Variants in ATP2A2 observed in about 807,000 individuals in gnomAD.
The protein encoded by ATP2A2 is ATPase sarcoplasmic/endoplasmic reticulum Ca2+ transporting 2.
A neutral mutation model predicts 109.3 loss-of-function variants in ATP2A2; 14 were observed. The ratio of observed to expected loss-of-function variants is 0.13; its 90% confidence interval spans 0.08 to 0.20. The LOEUF is 0.20. Ranked by LOEUF, ATP2A2 falls within the 10% of genes least tolerant of loss-of-function variation. ATP2A2 has a pLI of 1.00. For synonymous variants in ATP2A2, 506 were observed against 490.9 expected (o/e 1.03, Z -0.41); for missense variants, 657 against 1,321.6 (o/e 0.50, Z 7.80).
intron 11 of ATP2A2, among the ~76,000 whole-genome samples, chr12:110,338,360 C>G (rs1220045000): frequency 2.6e-5 from 4 of 152,240 alleles, no homozygotes; most frequent in Non-Finnish European, 4.4e-5. Context: ...TCACAGAGTT[C>G]TGGTGGACAG....
chr12:110,289,951 T>G (rs1873088441), intron 3 of ATP2A2, among the ~76,000 whole-genome samples: 1 of 152,250 alleles, frequency 6.6e-6, no homozygotes, highest in South Asian at 2.1e-4. Context: ...ACTCTTACTT[T>G]GTAGTTTTTA....
At position 110,348,515 on chromosome 12, in the gene ATP2A2, G is replaced by A; in HGVS notation, c.*2045G>A. 1 of 985,556 alleles carries A rather than the reference G, an allele frequency of 1.0e-6. No individual in the cohort carries two copies. Among genetic ancestry groups the A allele is most frequent in the South Asian group, 4.7e-5 (1 of 21,288 alleles). 61.1% of individuals were successfully genotyped at this position (985,556 alleles called of 1,614,324 possible). A position where few individuals can be genotyped will look rare whatever the true frequency, so the allele number is the denominator to read the frequency against. ...GCATCAAGCAGGACAAGGTGCTGCT[G>A]AGTTCAGAGGGCCCACGTTCAAGGG... On this transcript the variant is annotated 3_prime_UTR_variant, in exon 20 of 20. Transcript: ENST00000539276.
At position 110,339,854 on chromosome 12, in the gene ATP2A2, G is replaced by T; in HGVS notation, c.1761+133G>T. 1 of 950,216 alleles carries T rather than the reference G, an allele frequency of 1.1e-6. No individual in the cohort carries two copies. The allele number at this position is 950,216 out of a possible 1,614,324, so 58.9% of individuals were successfully genotyped here. A position where few individuals can be genotyped will look rare whatever the true frequency, so the allele number is the denominator to read the frequency against. ...GGTGTGGTTATTTGTTTTTCTGCCT[G>T]CCAGCTGTGTCACCCTTAAAATTTG... On this transcript the variant is annotated intron_variant, in intron 13 of 19. Coordinates refer to ENST00000539276, the MANE Select transcript of ATP2A2 (RefSeq NM_170665.4). This position sits in a 1 kb window ranked among gnomAD's most constrained non-coding sequence, Gnocchi z 4.4.
At chr12:110,305,829 T>G (rs1030110073) in intron 5 of ATP2A2, among the ~76,000 whole-genome samples, 2 of 152,022 alleles carry the variant, frequency 1.3e-5, no homozygotes, top group African/African-American at 4.8e-5. Context: ...GGAAATATGG[T>G]CGTAATATCA....
rs1378858460 is a variant in ATP2A2, at chr12:110,347,344, C to CGTAA, written c.*877_*880dup. 20 of 1,287,660 alleles carry CGTAA rather than the reference C, an allele frequency of 1.6e-5. No homozygotes were observed. In the Middle Eastern group the frequency reaches 6.4e-4, roughly 41 times the overall value. The allele number at this position is 1,287,660 out of a possible 1,614,324, so 79.8% of individuals were successfully genotyped here. A position where few individuals can be genotyped will look rare whatever the true frequency, so the allele number is the denominator to read the frequency against. On this transcript the variant is annotated 3_prime_UTR_variant, in exon 20 of 20. Transcript: ENST00000539276. ...AAAAATAACTGTCTTGTCTTTAACT[C>CGTAA]GTAAGTGGCTTACCTGGGACTAACA...
rs748870034 is a variant in ATP2A2, at chr12:110,282,787, A to G, written c.211A>G (p.Ile71Val). 14 of 1,612,680 alleles carry G rather than the reference A, an allele frequency of 8.7e-6. No homozygotes were observed. The highest frequency in any genetic ancestry group is 1.3e-5 in the African/African-American group (1 of 74,912). The change falls in exon 3 of 20, where the codon ATA (isoleucine) becomes GTA (valine). Residue 71 changes from isoleucine (I) to valine (V), a missense_variant. Physicochemically the swap from Ile to Val is conservative, Grantham distance 29. Around this residue, in one of 9 missense-constraint regions of ATP2A2, gnomAD observed 136 missense variants for 343.9 expected, o/e 0.40. Coordinates refer to ENST00000539276, the MANE Select transcript of ATP2A2 (RefSeq NM_170665.4). ...LVRILLLAAC[I>V]SFVLAWFEEG... Reference sequence around the variant, plus strand: ...TAGGATTTTATTACTGGCAGCATGTATATCTTTTGTAAGTATAAAAAAATT... The same window carrying G: ...TAGGATTTTATTACTGGCAGCATGTGTATCTTTTGTAAGTATAAAAAAATT...
chr12:110,331,260 T>C (rs1193962460), intron 8 of ATP2A2: 1 of 152,142 alleles, frequency 6.6e-6, no homozygotes, highest in South Asian at 2.1e-4. Flanking sequence ...AAAAAAGTTA[T>C]TTTAAAATAA....
chr12:110,349,356 T>A lies in ATP2A2; in HGVS notation c.*2886T>A. The A allele has an allele frequency of 1.0e-6, 1 of 985,504 alleles. No homozygotes were observed. The highest frequency in any genetic ancestry group is 1.1e-4 in the East Asian group (1 of 8,812). The allele number at this position is 985,504 out of a possible 1,614,324, so 61.0% of individuals were successfully genotyped here. On this transcript the variant is annotated 3_prime_UTR_variant, in exon 20 of 20. Transcript: ENST00000539276. ...GCCTGAAACTTACTTCCACATTCTT[T>A]CCTGATGGGCAGGTGGCTGAAGGCC...
chr12:110,321,304 C>G (rs1444226256), intron 5 of ATP2A2, among the ~76,000 whole-genome samples: 1 of 152,142 alleles, frequency 6.6e-6, no homozygotes, highest in Admixed American at 6.5e-5. Context: ...TTGTATATGA[C>G]TGGTAACATG....
At chr12:110,311,550 C>G (rs545495359) in intron 5 of ATP2A2, among the ~76,000 whole-genome samples, 3 of 141,284 alleles carry the variant, frequency 2.1e-5, no homozygotes, top group Non-Finnish European at 4.5e-5. Context: ...GAGCCAAGAT[C>G]GCGCCACTGC....
chr12:110,310,525 CT>C (rs370020923), intron 5 of ATP2A2, among the ~76,000 whole-genome samples: 10 of 152,124 alleles, frequency 6.6e-5, no homozygotes, highest in Non-Finnish European at 4.4e-5. Context: ...TTAAAACAAA[CT>C]TTATGTATCT....
intron 11 of ATP2A2, among the ~76,000 whole-genome samples, chr12:110,335,848 A>G (rs1878789559): frequency 6.6e-6 from 1 of 152,232 alleles, no homozygotes; most frequent in Non-Finnish European, 1.5e-5. Flanking sequence ...CTGCCCCCAC[A>G]AACCACCACC....
intron 4 of ATP2A2, among the ~76,000 whole-genome samples, chr12:110,294,320 A>G (rs954059756): frequency 1.3e-5 from 2 of 152,066 alleles, no homozygotes; most frequent in African/African-American, 2.4e-5. Context: ...CGGGATTACA[A>G]GTGTGAGCCA....
Position 110,346,882 on chromosome 12 carries a change from T to C in ATP2A2, c.*412T>C, listed in dbSNP as rs1879918285. On this transcript the variant is annotated 3_prime_UTR_variant, in exon 20 of 20. Transcript: ENST00000539276. ...AATAGCATGTATTGTGTCTTTTGCA[T>C]GATGATCCGGATTTAATTTGATATC... The C allele has an allele frequency of 8.2e-6, 9 of 1,095,946 alleles. No homozygotes were observed. Among genetic ancestry groups the C allele is most frequent in the Non-Finnish European group, 1.0e-5 (9 of 897,270 alleles). The allele number at this position is 1,095,946 out of a possible 1,614,324, so 67.9% of individuals were successfully genotyped here. A position where few individuals can be genotyped will look rare whatever the true frequency, so the allele number is the denominator to read the frequency against.
intron 5 of ATP2A2, among the ~76,000 whole-genome samples, chr12:110,299,991 G>A (rs1415713963): frequency 2.0e-5 from 3 of 151,342 alleles, no homozygotes; most frequent in Non-Finnish European, 4.4e-5. Context: ...CCCGACCTCA[G>A]GTGGTCCGCC....
chr12:110,311,622 A>AAAAAAAG (rs1876073126), intron 5 of ATP2A2, among the ~76,000 whole-genome samples: 1 of 141,018 alleles, frequency 7.1e-6, no homozygotes, highest in Non-Finnish European at 1.5e-5. Context: ...AAAAAAAAAA[A>AAAAAAAG]CGCTGGGATT....
chr12:110,337,903 T>C (rs1878990968), intron 11 of ATP2A2, among the ~76,000 whole-genome samples: 1 of 152,214 alleles, frequency 6.6e-6, no homozygotes, highest in Admixed American at 6.5e-5. Context: ...TCCTGGTCTG[T>C]GTAATAGGCA....
chr12:110,290,588 G>T (rs904434544), intron 3 of ATP2A2, among the ~76,000 whole-genome samples: 1 of 152,144 alleles, frequency 6.6e-6, no homozygotes, highest in Non-Finnish European at 1.5e-5. Flanking sequence ...TACATCAAAA[G>T]ATAAGGTATT....
chr12:110,310,808 G>A (rs2137765681), intron 5 of ATP2A2, among the ~76,000 whole-genome samples: 1 of 152,278 alleles, frequency 6.6e-6, no homozygotes, highest in Non-Finnish European at 1.5e-5. Context: ...TTTAAAGGAA[G>A]AAAACTTTCA....
Sources: allele counts gnomAD v4.1 joint callset (sites outside exome capture counted in the v4.1 genomes callset), GRCh38; gene constraint gnomAD v4.1.1; regional missense constraint gnomAD v4.1.1; non-coding constraint Gnocchi (gnomAD v3.1); transcripts MANE v1.5; gene names NCBI Gene and HGNC (gene_info 2026-07-23, HGNC 2026-07-21).